The following KDM4C variants were observed in gnomAD, a reference collection of about 807,000 sequenced individuals.
The protein encoded by KDM4C is lysine-specific demethylase 4C.
In KDM4C, 81 loss-of-function variants were observed where a neutral mutation model predicts 129.3. That is an observed-to-expected ratio of 0.63 (90% confidence interval 0.52 to 0.75). The LOEUF is 0.75. Among genes scored for constraint, KDM4C ranks in the 30% least tolerant of loss-of-function variants. KDM4C has a pLI of 0.00. For missense variants in KDM4C, 1,457 were observed against 1,304.0 expected, an observed-to-expected ratio of 1.12 and a Z score of -1.81; for synonymous variants, 573 against 456.1, an observed-to-expected ratio of 1.26 and a Z score of -3.26.
chr9:7,168,306 G>C (rs1157247022), intron 20 of KDM4C, among the ~76,000 whole-genome samples: 2 of 151,964 alleles, frequency 1.3e-5, no homozygotes, highest in Non-Finnish European at 2.9e-5. Flanking sequence ...AGAAGTATAA[G>C]CATATTTTCA....
chr9:6,917,634 C>T (rs148818320), intron 8 of KDM4C, among the ~76,000 whole-genome samples: 6 of 152,262 alleles, frequency 3.9e-5, no homozygotes, highest in Non-Finnish European at 4.4e-5. Flanking sequence ...TCACGATGCC[C>T]AGCAGTCCAG....
intron 12 of KDM4C, among the ~76,000 whole-genome samples, chr9:6,991,215 A>G (rs528669758): frequency 4.9e-4 from 75 of 152,114 alleles, no homozygotes; most frequent in African/African-American, 1.8e-3. Flanking sequence ...AGCAGCTGGG[A>G]CCACAAGCAT....
chr9:7,155,658 T>C (rs924763516), intron 19 of KDM4C, among the ~76,000 whole-genome samples: 2 of 152,218 alleles, frequency 1.3e-5, no homozygotes, highest in Admixed American at 6.5e-5. Flanking sequence ...GTTTCTAGCT[T>C]CATCCATGTC....
chr9:6,833,528 A>G (rs373762382), intron 4 of KDM4C, among the ~76,000 whole-genome samples: 7 of 152,136 alleles, frequency 4.6e-5, no homozygotes, highest in Non-Finnish European at 5.9e-5. Flanking sequence ...TCACCCTTGA[A>G]CCCCGGCCCT....
At chr9:7,086,313 T>C (rs985654564) in intron 17 of KDM4C, among the ~76,000 whole-genome samples, 1 of 152,238 alleles carries the variant, frequency 6.6e-6, no homozygotes, top group Non-Finnish European at 1.5e-5. Flanking sequence ...AGCATTTTTG[T>C]GTGTCCCCTC....
chr9:6,909,856 T>C (rs1187955403), intron 8 of KDM4C, among the ~76,000 whole-genome samples: 3 of 152,190 alleles, frequency 2.0e-5, no homozygotes, highest in Non-Finnish European at 4.4e-5. Flanking sequence ...TATTTGATCC[T>C]TGAGTGGAGC....
chr9:7,092,765 T>G (rs1229767914), intron 17 of KDM4C, among the ~76,000 whole-genome samples: 4 of 152,158 alleles, frequency 2.6e-5, no homozygotes, highest in Non-Finnish European at 5.9e-5. Context: ...GTTGTATGAT[T>G]GCCAGTGAGC....
intron 8 of KDM4C, among the ~76,000 whole-genome samples, chr9:6,908,132 T>C (rs1818655969): frequency 6.6e-6 from 1 of 152,184 alleles, no homozygotes; most frequent in Non-Finnish European, 1.5e-5. Context: ...TGGATGTAAC[T>C]TAATGTAGTA....
At chr9:7,060,045 G>A (rs537522831) in intron 17 of KDM4C, among the ~76,000 whole-genome samples, 23 of 152,168 alleles carry the variant, frequency 1.5e-4, no homozygotes, top group African/African-American at 5.3e-4. Context: ...TCATAATATA[G>A]TATCCTTTCT....
intron 8 of KDM4C, among the ~76,000 whole-genome samples, chr9:6,934,439 C>T (rs1342870581): frequency 2.7e-5 from 4 of 150,732 alleles, no homozygotes; most frequent in African/African-American, 9.8e-5. Context: ...GAGATCATGC[C>T]ACCGCACTCG....
chr9:7,114,051 A>T (rs1486126220), intron 18 of KDM4C, among the ~76,000 whole-genome samples: 1 of 152,206 alleles, frequency 6.6e-6, no homozygotes, highest in East Asian at 1.9e-4. Context: ...GAACATATGA[A>T]ATTGCTGTTT....
intron 5 of KDM4C, among the ~76,000 whole-genome samples, chr9:6,866,274 T>C (rs1278442840): frequency 1.3e-5 from 2 of 152,110 alleles, no homozygotes; most frequent in African/African-American, 4.8e-5. Context: ...TCTTGACCCT[T>C]CTTTCTTTCT....
intron 4 of KDM4C, among the ~76,000 whole-genome samples, chr9:6,830,098 G>C (rs1362275455): frequency 1.3e-5 from 2 of 151,970 alleles, no homozygotes; most frequent in Non-Finnish European, 2.9e-5. Context: ...CCTTATTACA[G>C]CAAAAAATGT....
At chr9:6,845,498 A>T (rs186263917) in intron 4 of KDM4C, among the ~76,000 whole-genome samples, 1 of 152,274 alleles carries the variant, frequency 6.6e-6, no homozygotes, top group African/African-American at 2.4e-5. Context: ...TACAGGCATG[A>T]GCCACTGTGC....
chr9:7,134,416 G>A (rs1247053482), intron 19 of KDM4C, among the ~76,000 whole-genome samples: 1 of 152,146 alleles, frequency 6.6e-6, no homozygotes, highest in East Asian at 1.9e-4. Flanking sequence ...CTTGATTAAT[G>A]TTCACATGAT....
intron 18 of KDM4C, among the ~76,000 whole-genome samples, chr9:7,122,163 A>G (rs1182768350): frequency 2.6e-5 from 4 of 151,974 alleles, no homozygotes; most frequent in Non-Finnish European, 2.9e-5. Flanking sequence ...AAAACCTACA[A>G]TCATGGCAGA....
At chr9:7,128,036 T>C in intron 18 of KDM4C, 30 bp from the exon 19 acceptor site, 2 of 1,420,042 alleles carry the variant, frequency 1.4e-6, no homozygotes, top group Non-Finnish European at 1.9e-6. Context: ...TCTTACTTCT[T>C]TTCTTCCTTT....
At chr9:6,883,493 A>G (rs1444572375) in intron 6 of KDM4C, among the ~76,000 whole-genome samples, 5 of 152,226 alleles carry the variant, frequency 3.3e-5, no homozygotes, top group African/African-American at 1.2e-4. Context: ...TTTCTTAACA[A>G]TTTGATGTCA....
chr9:7,136,612 C>T (rs1030690145), intron 19 of KDM4C, among the ~76,000 whole-genome samples: 3 of 152,202 alleles, frequency 2.0e-5, no homozygotes. Context: ...GCTTATTAGC[C>T]ATTCATCTGT....
Sources: gnomAD v4.1 joint callset for allele counts (sites outside exome capture counted in the v4.1 genomes callset) on GRCh38, gnomAD v4.1.1 for gene constraint, MANE v1.5 for transcripts, NCBI Gene and HGNC (gene_info 2026-07-23, HGNC 2026-07-21) for gene names.